The following DNAAF9 variants were observed in gnomAD, a reference collection of about 807,000 sequenced individuals.
DNAAF9 encodes shulin.
In DNAAF9, 90 loss-of-function variants were observed where a neutral mutation model predicts 167.0. That is an observed-to-expected ratio of 0.54 (90% confidence interval 0.45 to 0.64). The LOEUF is 0.64. Ranked by LOEUF, DNAAF9 falls within the 30% of genes least tolerant of loss-of-function variation. The pLI is 0.00. For synonymous variants in DNAAF9, 491 were observed against 508.8 expected (o/e 0.96, Z 0.47); for missense variants, 1,315 against 1,442.2 (o/e 0.91, Z 1.43).
At chr20:3,344,468 C>A (rs1276184704) in intron 8 of DNAAF9, among the ~76,000 whole-genome samples, 1 of 151,954 alleles carries the variant, frequency 6.6e-6, no homozygotes, top group Non-Finnish European at 1.5e-5. Flanking sequence ...TTCTTCAAAT[C>A]TTTTCTCTAT....
chr20:3,293,292 CAAAAAAAAAAAAAA>C (rs1172725572), intron 25 of DNAAF9, among the ~76,000 whole-genome samples: 4 of 22,862 alleles, frequency 1.7e-4, no homozygotes, highest in African/African-American at 7.0e-4. Flanking sequence ...GACTCCGTCT[CAAAAAAAAAAAAAA>C]AAAAAAAAAA....
In DNAAF9 at chr20:3,315,165, G is replaced by T; in HGVS notation, c.1591-45C>A. On this transcript the variant is annotated intron_variant, in intron 19 of 36. Coordinates refer to ENST00000252032, the MANE Select transcript of DNAAF9 (RefSeq NM_001009984.3). The surrounding 1 kb of genome is among the most constrained non-coding windows in gnomAD (Gnocchi z 4.1). ...AACAAAAATCCAAAAAAGAATAGGT[G>T]ATTTATAGCATAAATATTCACAGAA... 1 of 1,091,778 alleles carries T rather than the reference G, an allele frequency of 9.2e-7. No homozygotes were observed. The highest frequency in any genetic ancestry group is 1.2e-5 in the South Asian group (1 of 80,142). The allele number at this position is 1,091,778 out of a possible 1,614,324, so 67.6% of individuals were successfully genotyped here.
At chr20:3,386,025 A>G (rs2083730727) in intron 1 of DNAAF9, among the ~76,000 whole-genome samples, 2 of 152,202 alleles carry the variant, frequency 1.3e-5, no homozygotes, top group Non-Finnish European at 2.9e-5. Flanking sequence ...ACAGTGATAC[A>G]GGTCTTAGTC....
At chr20:3,399,447 A>T (rs1014532531) in intron 1 of DNAAF9, among the ~76,000 whole-genome samples, 4 of 152,050 alleles carry the variant, frequency 2.6e-5, no homozygotes, top group Non-Finnish European at 4.4e-5. Context: ...TGACCTTGCG[A>T]TCCGCCCGCC....
intron 7 of DNAAF9, among the ~76,000 whole-genome samples, chr20:3,350,112 C>T (rs1568621001): frequency 6.6e-6 from 1 of 150,948 alleles, no homozygotes; most frequent in Non-Finnish European, 1.5e-5. Context: ...CTACTTGCTG[C>T]CCAGACTATC....
rs1197662353 is a variant in DNAAF9 at position 3,374,150 on chromosome 20, G to C, written c.510C>G (p.His170Gln). 2.5e-6 allele frequency: 4 copies of C among 1,604,280 alleles called. No individual in the cohort carries two copies. The highest frequency in any genetic ancestry group is 2.7e-5 in the African/African-American group (2 of 74,734). Residue 170 changes from histidine to glutamine, a missense_variant, in exon 6 of 37, where the codon CAC (histidine) becomes CAG (glutamine). Around this residue, in one of 2 missense-constraint regions of DNAAF9, gnomAD observed 981 missense variants for 1,012.5 expected, o/e 0.97. Coordinates refer to ENST00000252032, the MANE Select transcript of DNAAF9 (RefSeq NM_001009984.3). ...RIGIPYSSQG[H>Q]LQIFDMFVVE... ...CCACAAACATATCAAATATCTGCAA[G>C]TGACCTAGAAGAATCAAATACAACA...
At chr20:3,403,930 G>C (rs577987488) in intron 1 of DNAAF9, among the ~76,000 whole-genome samples, 128 of 151,962 alleles carry the variant, frequency 8.4e-4, no homozygotes, top group Non-Finnish European at 1.4e-3. Context: ...CTGACCTACA[G>C]GTGACTGGCT....
intron 31 of DNAAF9, among the ~76,000 whole-genome samples, chr20:3,261,255 T>G (rs1441359308): frequency 6.6e-6 from 1 of 152,170 alleles, no homozygotes; most frequent in Non-Finnish European, 1.5e-5. Flanking sequence ...CAGGCTGGTC[T>G]TGAACTCCTG....
chr20:3,302,100 G>A (rs6139067), intron 21 of DNAAF9, among the ~76,000 whole-genome samples: 4 of 151,814 alleles, frequency 2.6e-5, no homozygotes, highest in Non-Finnish European at 5.9e-5. Context: ...GCACCACCAC[G>A]CCCAGTTAAT....
chr20:3,280,214 T>C (rs1208626311), intron 28 of DNAAF9, among the ~76,000 whole-genome samples: 1 of 152,140 alleles, frequency 6.6e-6, no homozygotes, highest in African/African-American at 2.4e-5. Context: ...ACTCACTGAC[T>C]TCACTGTGCT....
At chr20:3,332,936 T>TGTGTGG (rs1274103488) in intron 10 of DNAAF9, among the ~76,000 whole-genome samples, 1 of 150,348 alleles carries the variant, frequency 6.7e-6, no homozygotes, top group Admixed American at 6.6e-5. Flanking sequence ...TGTGTGTGTG[T>TGTGTGG]GGTTTAAACC....
chr20:3,307,250 T>C, intron 20 of DNAAF9: 2 of 612,358 alleles, frequency 3.3e-6, no homozygotes, highest in Non-Finnish European at 2.0e-6. Context: ...GAGCTCATTA[T>C]GGGGCATGAG....
rs367718705 is a variant in DNAAF9 at position 3,336,258 on chromosome 20, GTTTT to G, written c.982-3901_982-3898del. Among the ~76,000 whole-genome samples, 12 of 113,558 alleles carry G rather than the reference GTTTT, an allele frequency of 1.1e-4. 1 individual carries two copies. Among genetic ancestry groups the G allele is most frequent in the African/African-American group, 3.4e-4 (10 of 29,314 alleles). The allele number at this position is 113,558 out of a possible 152,430, so 74.5% of individuals were successfully genotyped here. A position where few individuals can be genotyped will look rare whatever the true frequency, so the allele number is the denominator to read the frequency against. ...TGCAGATTCACAGTTTTGCGTTTTT[GTTTT>G]TTTTTTTTTTTTTGCCAAATTTGGG... On this transcript the variant is annotated intron_variant, in intron 10 of 36. Coordinates refer to ENST00000252032, the MANE Select transcript of DNAAF9 (RefSeq NM_001009984.3).
intron 1 of DNAAF9, chr20:3,384,438 G>A (rs550626333): frequency 6.6e-6 from 1 of 151,924 alleles, no homozygotes; most frequent in South Asian, 2.1e-4. Context: ...CTATCTGAGT[G>A]TTTCCTCTTT....
intron 29 of DNAAF9, among the ~76,000 whole-genome samples, chr20:3,274,413 G>A (rs2068644203): frequency 6.6e-6 from 1 of 152,158 alleles, no homozygotes; most frequent in South Asian, 2.1e-4. Context: ...AAAGTGCTGG[G>A]AATGCAGGTG....
At chr20:3,352,353 C>G (rs1183618160) in intron 7 of DNAAF9, among the ~76,000 whole-genome samples, 1 of 152,164 alleles carries the variant, frequency 6.6e-6, no homozygotes, top group Non-Finnish European at 1.5e-5. Flanking sequence ...CCCCTGTATC[C>G]TGGGCCCAGG....
At chr20:3,290,257 A>C (rs1484804215) in intron 25 of DNAAF9, 40 bp from the exon 26 acceptor site, 1 of 1,251,372 alleles carries the variant, frequency 8.0e-7, no homozygotes, top group Non-Finnish European at 1.2e-6. Flanking sequence ...ATTCAACTGC[A>C]TTGCATTATG....
chr20:3,282,943 C>T (rs1343072058), intron 27 of DNAAF9, among the ~76,000 whole-genome samples: 1 of 152,166 alleles, frequency 6.6e-6, no homozygotes, highest in Admixed American at 6.5e-5. Flanking sequence ...CTTCAAAGCC[C>T]CAATCGGCAG....
At chr20:3,364,501 T>C (rs1391580849) in intron 6 of DNAAF9, among the ~76,000 whole-genome samples, 1 of 152,152 alleles carries the variant, frequency 6.6e-6, no homozygotes, top group Admixed American at 6.5e-5. Context: ...AAAATCCTCC[T>C]GAGTGATCTA....
Sources: gnomAD v4.1 joint callset for allele counts (sites outside exome capture counted in the v4.1 genomes callset) on GRCh38, gnomAD v4.1.1 for gene constraint, gnomAD v4.1.1 regional missense constraint, Gnocchi (gnomAD v3.1) non-coding constraint, MANE v1.5 for transcripts, NCBI Gene and HGNC (gene_info 2026-07-23, HGNC 2026-07-21) for gene names.